The following IL7 variants were observed in gnomAD, a reference collection of about 807,000 sequenced individuals.
IL7 encodes interleukin-7.
IL7 carries 3 observed loss-of-function variants against 21.6 expected under a neutral mutation model. That is an observed-to-expected ratio of 0.14 (90% CI 0.06 to 0.36). The LOEUF (loss-of-function observed/expected upper bound fraction) is 0.36, where lower values mean the gene tolerates loss of function less well. IL7 is among the 10% of genes least tolerant of loss of function. The probability of loss-of-function intolerance (pLI) is 1.00; values close to 1 mark genes in which losing one functional copy is unlikely to be tolerated. For missense variants in IL7, 175 were observed against 200.2 expected, an observed-to-expected ratio of 0.87 and a Z score of 0.76; for synonymous variants, 62 against 68.1, an observed-to-expected ratio of 0.91 and a Z score of 0.44.
chr8:78,680,200 G>C (rs140275622), intron 4 of IL7, among the ~76,000 whole-genome samples: 1 of 146,258 alleles, frequency 6.8e-6, no homozygotes, highest in Admixed American at 7.2e-5. Flanking sequence ...ATAAGGAATT[G>C]GGGTTGTAAA....
At chr8:78,746,858 C>A (rs1811995839) in intron 2 of IL7, 2 of 349,700 alleles carry the variant, frequency 5.7e-6, no homozygotes, top group Non-Finnish European at 5.6e-6. Flanking sequence ...TGGAAAAGGG[C>A]AAAGGTAATG....
At chr8:78,696,283 C>T (rs1810411106) in intron 3 of IL7, among the ~76,000 whole-genome samples, 1 of 152,158 alleles carries the variant, frequency 6.6e-6, no homozygotes, top group Non-Finnish European at 1.5e-5. Flanking sequence ...ATCCACCTGC[C>T]TCGGCCTTCC....
chr8:78,746,676 A>G (rs1811989041), intron 2 of IL7, among the ~76,000 whole-genome samples: 3 of 152,204 alleles, frequency 2.0e-5, no homozygotes, highest in South Asian at 2.1e-4. Flanking sequence ...ATGACTTAGA[A>G]TGAAACACAT....
At chr8:78,689,222 A>T in intron 3 of IL7, 2 of 1,558,222 alleles carry the variant, frequency 1.3e-6, no homozygotes, top group Non-Finnish European at 1.7e-6. Flanking sequence ...TCTGTTATAG[A>T]TTATATTCAA....
chr8:78,786,652 G>A (rs944902774), intron 2 of IL7, among the ~76,000 whole-genome samples: 2 of 152,200 alleles, frequency 1.3e-5, no homozygotes, highest in African/African-American at 2.4e-5. Context: ...GGCCATCATG[G>A]TATATGCAGT....
chr8:78,773,986 T>C (rs1303241119), intron 2 of IL7, among the ~76,000 whole-genome samples: 1 of 152,078 alleles, frequency 6.6e-6, no homozygotes, highest in African/African-American at 2.4e-5. Flanking sequence ...TAAACAAGCA[T>C]TCTTTAGTTT....
intron 2 of IL7, among the ~76,000 whole-genome samples, chr8:78,740,637 A>G (rs1210758577): frequency 6.6e-6 from 1 of 152,214 alleles, no homozygotes; most frequent in African/African-American, 2.4e-5. Flanking sequence ...GCTTATAATC[A>G]ACATAGTATT....
chr8:78,711,891 G>A (rs1272520450), intron 3 of IL7: 5 of 620,252 alleles, frequency 8.1e-6, no homozygotes, highest in Non-Finnish European at 1.3e-5. Context: ...GACTTGGGGA[G>A]TAGATATCTG....
At chr8:78,735,276 C>CTTTTTTTTTTTTTTTTTT in intron 5 of IL7, among the ~76,000 whole-genome samples, 46 of 78,410 alleles carry the variant, frequency 5.9e-4, no homozygotes, top group African/African-American at 7.5e-4. Context: ...CTTTTCTTTT[C>CTTTTTTTTTTTTTTTTTT]TTTTTTTTTT....
chr8:78,761,199 G>C (rs1056701446), intron 2 of IL7: 26 of 1,592,156 alleles, frequency 1.6e-5, no homozygotes, highest in Middle Eastern at 2.2e-4. Context: ...TTACTGTTCT[G>C]AAAAAGAACA....
intron 5 of IL7, among the ~76,000 whole-genome samples, chr8:78,734,130 G>A (rs938546694): frequency 6.6e-6 from 1 of 152,186 alleles, no homozygotes. Flanking sequence ...CATGAGAAAG[G>A]TAATTGTAGG....
intron 2 of IL7, among the ~76,000 whole-genome samples, chr8:78,766,097 G>C (rs1268026330): frequency 2.0e-5 from 3 of 152,120 alleles, no homozygotes; most frequent in Non-Finnish European, 4.4e-5. Context: ...TACAGTTTGA[G>C]TGCAACTATG....
chr8:78,680,029 G>C (rs1264981832), intron 4 of IL7, among the ~76,000 whole-genome samples: 2 of 152,080 alleles, frequency 1.3e-5, no homozygotes, highest in African/African-American at 4.8e-5. Context: ...CTTTCACTTT[G>C]CTACATACCG....
At chr8:78,750,336 C>T (rs964049097) in intron 2 of IL7, among the ~76,000 whole-genome samples, 33 of 151,930 alleles carry the variant, frequency 2.2e-4, no homozygotes, top group Admixed American at 1.9e-3. Flanking sequence ...TTTTCCACAC[C>T]GTATTGTGAC....
At chr8:78,718,747 CATA>C (rs1408113325) in intron 6 of IL7, 1 of 151,896 alleles carries the variant, frequency 6.6e-6, no homozygotes, top group Non-Finnish European at 1.5e-5. Flanking sequence ...TTCAGTATAT[CATA>C]GTAGTTAGTA....
intron 3 of IL7, among the ~76,000 whole-genome samples, chr8:78,696,193 C>G (rs921620965): frequency 2.6e-5 from 4 of 151,990 alleles, no homozygotes; most frequent in African/African-American, 9.7e-5. Flanking sequence ...CGCTACCACG[C>G]CCGGCTAATT....
chr8:78,698,319 A>G (rs943681664), intron 3 of IL7: 1 of 1,017,922 alleles, frequency 9.8e-7, no homozygotes, highest in Non-Finnish European at 1.4e-6. Context: ...ATAGTTGCAA[A>G]GATTATTACT....
intron 2 of IL7, among the ~76,000 whole-genome samples, chr8:78,767,075 T>G (rs995779922): frequency 3.9e-5 from 6 of 152,144 alleles, no homozygotes; most frequent in Non-Finnish European, 4.4e-5. Context: ...GCATCTTCTT[T>G]TCTATGAATA....
intron 2 of IL7, chr8:78,797,776 G>A (rs1813910109): frequency 4.4e-6 from 1 of 227,332 alleles, no homozygotes; most frequent in Non-Finnish European, 8.7e-6. Context: ...TGGTAAATGG[G>A]AGGTGAGGAA....
Sources: gnomAD v4.1 joint callset for allele counts (sites outside exome capture counted in the v4.1 genomes callset) on GRCh38, gnomAD v4.1.1 for gene constraint, MANE v1.5 for transcripts, NCBI Gene and HGNC (gene_info 2026-07-23, HGNC 2026-07-21) for gene names.